The following KCNQ4 variants were observed in gnomAD, a reference collection of about 807,000 sequenced individuals.
KCNQ4 encodes potassium voltage-gated channel subfamily Q member 4.
KCNQ4 carries 31 observed loss-of-function variants against 72.6 expected under a neutral mutation model. That is an observed-to-expected ratio of 0.43 (90% CI 0.32 to 0.58). KCNQ4 has a LOEUF of 0.58. Among genes scored for constraint, KCNQ4 ranks in the 20% least tolerant of loss-of-function variants. The pLI, the probability that KCNQ4 is intolerant of heterozygous loss-of-function variation, is 0.08. For synonymous variants in KCNQ4, 405 were observed against 403.7 expected (o/e 1.00, Z -0.04); for missense variants, 869 against 962.6 (o/e 0.90, Z 1.29).
rs1465808865 is a variant in KCNQ4 at position 40,839,654 on chromosome 1, G to A, written c.*1131G>A. ...ACCTTTACCCGCTCCCCTTCTTCAA[G>A]AAGATCTCCTCCTCTCTGGTCCAGG... On this transcript the variant is annotated 3_prime_UTR_variant, in exon 14 of 14. Coordinates refer to ENST00000347132, the MANE Select transcript of KCNQ4 (RefSeq NM_004700.4). 1 of 152,306 alleles carries A rather than the reference G, an allele frequency of 6.6e-6. No homozygotes were observed. Among genetic ancestry groups the A allele is most frequent in the African/African-American group, 2.4e-5 (1 of 41,398 alleles). The allele number at this position is 152,306 out of a possible 1,614,324, so 9.4% of individuals were successfully genotyped here.
chr1:40,802,964 G>A (rs763439528), intron 1 of KCNQ4, among the ~76,000 whole-genome samples: 14 of 152,200 alleles, frequency 9.2e-5, no homozygotes, highest in Non-Finnish European at 2.1e-4. Context: ...TTTAGGGACT[G>A]TCTGCCTCAT....
At position 40,818,550 on chromosome 1, in the gene KCNQ4, C is replaced by T. The variant is rs772216624; in HGVS notation, c.578C>T (p.Thr193Ile). 2.5e-6 allele frequency: 4 copies of T among 1,603,450 alleles called. No homozygotes were observed. In the South Asian group the frequency reaches 3.3e-5, roughly 13 times the overall value. ...TCGGTGGCCGTCATCGCCGCGGGTA[C>T]CCAGGGCAACATCTTCGCCACGTCC... The part of the protein sequence containing the change: ...VASVAVIAAG[T>I]QGNIFATSAL... The change falls in exon 4 of 14, where the codon ACC (threonine) becomes ATC (isoleucine). Residue 193 changes from threonine to isoleucine, a missense_variant. Coordinates refer to ENST00000347132, the MANE Select transcript of KCNQ4 (RefSeq NM_004700.4).
Position 40,794,006 on chromosome 1 carries a change from A to G in KCNQ4, c.314+9599A>G, listed in dbSNP as rs924642819. Among the ~76,000 whole-genome samples, 5 of 152,146 alleles carry G rather than the reference A, an allele frequency of 3.3e-5. No individual in the cohort carries two copies. The South Asian group carries it at 1.0e-3, about 32-fold the overall frequency. On this transcript the variant is annotated intron_variant, in intron 1 of 13. Coordinates refer to ENST00000347132, the MANE Select transcript of KCNQ4 (RefSeq NM_004700.4). The surrounding 1 kb of genome is among the most constrained non-coding windows in gnomAD (Gnocchi z 4.2). ...TTGGCACATGGTCAGCAATGAGTGA[A>G]TGTTTGATGAAGGTGGCATTGGGGC... is the stretch of plus-strand genomic sequence containing the variant.
At position 40,839,548 on chromosome 1, in the gene KCNQ4, A is replaced by T. The variant is rs1352883177; in HGVS notation, c.*1025A>T. On this transcript the variant is annotated 3_prime_UTR_variant, in exon 14 of 14. Coordinates refer to ENST00000347132, the MANE Select transcript of KCNQ4 (RefSeq NM_004700.4). ...GGACTGGCCTTGCAGGGTGACGACC[A>T]CTAAGAGGAAGACCCCCAACTCCAT... is the stretch of plus-strand genomic sequence containing the variant. The T allele has an allele frequency of 6.6e-6, 1 of 152,244 alleles. No individual in the cohort carries two copies. The highest frequency in any genetic ancestry group is 1.5e-5 in the Non-Finnish European group (1 of 68,124). 9.4% of individuals were successfully genotyped at this position (152,244 alleles called of 1,614,324 possible).
intron 1 of KCNQ4, among the ~76,000 whole-genome samples, chr1:40,785,401 T>A (rs1322543534): frequency 1.3e-5 from 2 of 152,038 alleles, no homozygotes; most frequent in African/African-American, 4.8e-5. Context: ...CCCTGGAAAA[T>A]GTGTGGCTAT....
chr1:40,820,058 T>A, intron 6 of KCNQ4, 73 bp downstream of exon 6: 1 of 1,524,660 alleles, frequency 6.6e-7, no homozygotes. Flanking sequence ...CACATTTGCC[T>A]GGGGAGCCTG....
At chr1:40,785,391 C>T (rs921391280) in intron 1 of KCNQ4, among the ~76,000 whole-genome samples, 5 of 152,172 alleles carry the variant, frequency 3.3e-5, no homozygotes, top group Non-Finnish European at 7.3e-5. Flanking sequence ...GACCTCTGGT[C>T]CCTGGAAAAT....
intron 12 of KCNQ4, among the ~76,000 whole-genome samples, chr1:40,836,402 G>A (rs1385864926): frequency 1.3e-5 from 2 of 152,208 alleles, no homozygotes; most frequent in East Asian, 1.9e-4. Context: ...GGGAGGTGCC[G>A]GGTTTGTGAT....
At chr1:40,793,241 G>A (rs1012667029) in intron 1 of KCNQ4, among the ~76,000 whole-genome samples, 1 of 151,678 alleles carries the variant, frequency 6.6e-6, no homozygotes, top group South Asian at 2.1e-4. Context: ...TGGCTCCAGC[G>A]ATCCTCCCAC....
chr1:40,805,396 T>C (rs958394808), intron 1 of KCNQ4, among the ~76,000 whole-genome samples: 2 of 152,080 alleles, frequency 1.3e-5, no homozygotes, highest in African/African-American at 2.4e-5. Context: ...ATGGTCCGCT[T>C]TCCACCTCCC....
chr1:40,802,231 G>T (rs1455577979), intron 1 of KCNQ4, among the ~76,000 whole-genome samples: 1 of 152,170 alleles, frequency 6.6e-6, no homozygotes, highest in Admixed American at 6.5e-5. Context: ...TTAGGATGGT[G>T]CTGTGAGGTG....
intron 1 of KCNQ4, among the ~76,000 whole-genome samples, chr1:40,785,809 G>C (rs1647196506): frequency 6.6e-6 from 1 of 152,106 alleles, no homozygotes; most frequent in Admixed American, 6.5e-5. Flanking sequence ...TTTCAGAGGT[G>C]AAGGGGAGAA....
At chr1:40,793,459 T>C (rs1339074164) in intron 1 of KCNQ4, among the ~76,000 whole-genome samples, 1 of 152,086 alleles carries the variant, frequency 6.6e-6, no homozygotes, top group African/African-American at 2.4e-5. Flanking sequence ...TCTCATGCAC[T>C]CCTACGACAT....
Position 40,818,685 on chromosome 1 carries a change from G to A in KCNQ4, c.708+5G>A, listed in dbSNP as rs765797847. ...GTGGTCTACGCGCATAGCAAGGTGA[G>A]GCCTGCAAGCCGCGCGCGGAGACCC... On this transcript the variant is annotated splice_donor_5th_base_variant and intron_variant, in intron 4 of 13. Coordinates refer to ENST00000347132, the MANE Select transcript of KCNQ4 (RefSeq NM_004700.4). 11 of 1,593,780 alleles carry A rather than the reference G, an allele frequency of 6.9e-6. No homozygotes were observed. The highest frequency in any genetic ancestry group is 9.4e-6 in the Non-Finnish European group (11 of 1,173,972).
chr1:40,834,588 A>C (rs1299011756), intron 11 of KCNQ4, among the ~76,000 whole-genome samples: 2 of 151,098 alleles, frequency 1.3e-5, no homozygotes, highest in Admixed American at 6.6e-5. Flanking sequence ...TCTTTAAAAA[A>C]TAAAAATTAA....
intron 7 of KCNQ4, among the ~76,000 whole-genome samples, 198 bp downstream of exon 7, chr1:40,820,458 C>G (rs960453130): frequency 1.3e-5 from 2 of 152,214 alleles, no homozygotes; most frequent in South Asian, 4.1e-4. Context: ...AGAAACTTCC[C>G]CCTGCACCAA....
chr1:40,786,169 A>G (rs189402827), intron 1 of KCNQ4, among the ~76,000 whole-genome samples: 18 of 152,154 alleles, frequency 1.2e-4, no homozygotes, highest in Admixed American at 5.2e-4. Context: ...GGAGGGTGAG[A>G]CACCCCCCAG....
At position 40,794,469 on chromosome 1, in the gene KCNQ4, T is replaced by C. The variant is rs572701781; in HGVS notation, c.314+10062T>C. Among the ~76,000 whole-genome samples the C allele has an allele frequency of 2.0e-5, 3 of 152,312 alleles. No homozygotes were observed. Among genetic ancestry groups the C allele is most frequent in the African/African-American group, 7.2e-5 (3 of 41,566 alleles). Reference sequence around the variant, plus strand: ...GGGCTCAAAGAAGAGAAACACCACATACTAAGTTACACAGCTTGTCTGTGG... The same window carrying C: ...GGGCTCAAAGAAGAGAAACACCACACACTAAGTTACACAGCTTGTCTGTGG... On this transcript the variant is annotated intron_variant, in intron 1 of 13. Transcript: ENST00000347132. The surrounding 1 kb of genome is among the most constrained non-coding windows in gnomAD (Gnocchi z 4.2).
chr1:40,795,255 C>CTTTT (rs10632610), intron 1 of KCNQ4, among the ~76,000 whole-genome samples: 3 of 128,476 alleles, frequency 2.3e-5, no homozygotes, highest in South Asian at 2.5e-4. Flanking sequence ...GTGGTTTTAC[C>CTTTT]TTTTTTTTTT....
Sources: allele counts gnomAD v4.1 joint callset (sites outside exome capture counted in the v4.1 genomes callset), GRCh38; gene constraint gnomAD v4.1.1; non-coding constraint Gnocchi (gnomAD v3.1); transcripts MANE v1.5; gene names NCBI Gene and HGNC (gene_info 2026-07-23, HGNC 2026-07-21).